Variants in ABCB5 observed in about 807,000 individuals in gnomAD.
The protein encoded by ABCB5 is ATP binding cassette subfamily B member 5, also known as ATP-binding cassette sub-family B member 5.
A neutral mutation model predicts 144.2 loss-of-function variants in ABCB5; 155 were observed. That is an observed-to-expected ratio of 1.08 (90% CI 0.94 to 1.23). The LOEUF is 1.23. Ranked by LOEUF, ABCB5 falls within the 50% of genes most tolerant of loss-of-function variation. The pLI, the probability that ABCB5 is intolerant of heterozygous loss-of-function variation, is 0.00. For synonymous variants in ABCB5, 610 were observed against 528.6 expected, an observed-to-expected ratio of 1.15 and a Z score of -2.11; for missense variants, 1,830 against 1,520.8, an observed-to-expected ratio of 1.20 and a Z score of -3.38.
chr7:20,753,229 T>G (rs767037182), intron 26 of ABCB5, 131 bp from the exon 27 acceptor site: 5 of 1,131,666 alleles, frequency 4.4e-6, no homozygotes, highest in Non-Finnish European at 6.2e-6. Flanking sequence ...AAGAATAGAT[T>G]TCAACATTTG....
At chr7:20,688,187 G>A (rs919841682) in intron 16 of ABCB5, among the ~76,000 whole-genome samples, 12 of 151,532 alleles carry the variant, frequency 7.9e-5, no homozygotes, top group Admixed American at 3.3e-4. Context: ...AGTGAGACCC[G>A]GTCTCAAAAA....
At chr7:20,738,929 C>T (rs1479069384) in intron 23 of ABCB5, 54 bp from the exon 24 acceptor site, 1 of 1,499,910 alleles carries the variant, frequency 6.7e-7, no homozygotes, top group Non-Finnish European at 8.9e-7. Context: ...TAGAGTTCTA[C>T]TGTTTTACAA....
intron 14 of ABCB5, among the ~76,000 whole-genome samples, chr7:20,674,296 C>T (rs1347193611): frequency 6.6e-6 from 1 of 151,934 alleles, no homozygotes; most frequent in Non-Finnish European, 1.5e-5. Context: ...TAATGTAGCA[C>T]AGTCCCACTA....
intron 3 of ABCB5, among the ~76,000 whole-genome samples, chr7:20,628,037 C>A (rs1001129557): frequency 6.6e-6 from 1 of 152,064 alleles, no homozygotes; most frequent in Non-Finnish European, 1.5e-5. Flanking sequence ...ACTTTAAGTT[C>A]TAGGGTACAT....
chr7:20,745,533 T>C (rs185640265), intron 26 of ABCB5, 95 bp downstream of exon 26: 1 of 1,073,838 alleles, frequency 9.3e-7, no homozygotes, highest in East Asian at 2.6e-5. Context: ...TTCCTTGGAT[T>C]ATACAATGTA....
At chr7:20,728,599 C>T in intron 23 of ABCB5, 144 bp downstream of exon 23, 7 of 963,206 alleles carry the variant, frequency 7.3e-6, no homozygotes, top group Middle Eastern at 3.5e-4. Flanking sequence ...ACTAAAAATA[C>T]AAAAATTAGC....
At chr7:20,647,715 C>G in intron 10 of ABCB5, 67 bp downstream of exon 10, 2 of 1,524,344 alleles carry the variant, frequency 1.3e-6, no homozygotes, top group Non-Finnish European at 1.8e-6. Flanking sequence ...AAAACATACA[C>G]CCTCATTTTC....
At chr7:20,689,648 G>A (rs946560343) in intron 16 of ABCB5, among the ~76,000 whole-genome samples, 8 of 152,084 alleles carry the variant, frequency 5.3e-5, no homozygotes, top group African/African-American at 1.7e-4. Flanking sequence ...ACCTGCCTCT[G>A]AAAAACTATG....
chr7:20,686,315 G>A (rs1290636613), intron 16 of ABCB5, among the ~76,000 whole-genome samples: 1 of 152,060 alleles, frequency 6.6e-6, no homozygotes, highest in Non-Finnish European at 1.5e-5. Flanking sequence ...TGCTTACTGT[G>A]CCCACTCCTA....
intron 26 of ABCB5, among the ~76,000 whole-genome samples, chr7:20,746,550 T>TTC (rs1206515605): frequency 2.0e-5 from 3 of 152,232 alleles, no homozygotes; most frequent in African/African-American, 7.2e-5. Context: ...GAGCACTTAG[T>TTC]TATTTGTTTA....
intron 26 of ABCB5, among the ~76,000 whole-genome samples, chr7:20,746,789 CATAAA>C (rs1341529940): frequency 6.6e-6 from 1 of 152,050 alleles, no homozygotes; most frequent in Non-Finnish European, 1.5e-5. Context: ...CATACACACA[CATAAA>C]ATAAATTAAA....
In ABCB5 at chr7:20,710,384, G is replaced by GAAAA. The variant is rs201430407; in HGVS notation, c.2421+5577_2421+5578insAAAA. ...CTCCACCTCAAAAAAAAAAAAAAGTGGGGGGGGGGCATGACTGTGTTTCAA... is the reference window on the plus strand; with the variant it reads ...CTCCACCTCAAAAAAAAAAAAAAGTGAAAAGGGGGGGGGCATGACTGTGTTTCAA... On this transcript the variant is annotated intron_variant, in intron 20 of 27. Transcript: ENST00000404938. Among the ~76,000 whole-genome samples the GAAAA allele has an allele frequency of 2.6e-4, 23 of 87,294 alleles. 2 individuals are homozygous for GAAAA. Among genetic ancestry groups the GAAAA allele is most frequent in the African/African-American group, 1.0e-3 (22 of 21,354 alleles). The allele number at this position is 87,294 out of a possible 152,430, so 57.3% of individuals were successfully genotyped here. A position where few individuals can be genotyped will look rare whatever the true frequency, so the allele number is the denominator to read the frequency against.
intron 20 of ABCB5, among the ~76,000 whole-genome samples, chr7:20,716,276 C>T (rs189986388): frequency 4.6e-5 from 7 of 151,760 alleles, no homozygotes; most frequent in Admixed American, 3.4e-4. Flanking sequence ...GTCTACAAAA[C>T]ATAACCCCCT....
chr7:20,664,704 CCCA>C (rs1562548729), intron 14 of ABCB5, among the ~76,000 whole-genome samples: 1 of 91,360 alleles, frequency 1.1e-5, no homozygotes, highest in Admixed American at 1.0e-4. Flanking sequence ...TCTCTTCTTA[CCCA>C]CCATTTACTC....
At chr7:20,734,692 C>A (rs556392823) in intron 23 of ABCB5, among the ~76,000 whole-genome samples, 7 of 151,950 alleles carry the variant, frequency 4.6e-5, no homozygotes, top group East Asian at 3.9e-4. Context: ...TGGTAGAAGC[C>A]GTCTCTATTT....
At chr7:20,669,104 G>T (rs552677201) in intron 14 of ABCB5, among the ~76,000 whole-genome samples, 5 of 150,754 alleles carry the variant, frequency 3.3e-5, no homozygotes, top group Non-Finnish European at 5.9e-5. Flanking sequence ...AGGATGGTGG[G>T]GGGGGTCAGC....
At chr7:20,707,857 G>A (rs1377799756) in intron 20 of ABCB5, among the ~76,000 whole-genome samples, 1 of 128,096 alleles carries the variant, frequency 7.8e-6, no homozygotes, top group Admixed American at 9.8e-5. Context: ...AGGCTGGAAT[G>A]CAGTGGCGCG....
intron 4 of ABCB5, among the ~76,000 whole-genome samples, chr7:20,629,482 G>A (rs1423911874): frequency 6.6e-6 from 1 of 152,130 alleles, no homozygotes; most frequent in African/African-American, 2.4e-5. Context: ...AGAAATCAAG[G>A]CCGGGTGCAG....
intron 11 of ABCB5, among the ~76,000 whole-genome samples, chr7:20,648,627 G>A (rs1784487524): frequency 6.6e-6 from 1 of 152,092 alleles, no homozygotes; most frequent in Non-Finnish European, 1.5e-5. Flanking sequence ...CACTTCATTA[G>A]TGTATTTACC....
Sources: allele counts gnomAD v4.1 joint callset (sites outside exome capture counted in the v4.1 genomes callset), GRCh38; gene constraint gnomAD v4.1.1; transcripts MANE v1.5; gene names NCBI Gene and HGNC (gene_info 2026-07-23, HGNC 2026-07-21).